EPHA5: variants seen among roughly 807,000 people sequenced by gnomAD.
The protein encoded by EPHA5 is EPH receptor A5, also known as ephrin type-A receptor 5.
EPHA5 carries 60 observed loss-of-function variants against 105.0 expected under a neutral mutation model. That is an observed-to-expected ratio of 0.57 (90% CI 0.46 to 0.71). EPHA5 has a LOEUF of 0.71. EPHA5 is among the 30% of genes least tolerant of loss of function. EPHA5 has a pLI of 0.00. For synonymous variants in EPHA5, 513 were observed against 449.1 expected (o/e 1.14, Z -1.80); for missense variants, 1,218 against 1,274.7 (o/e 0.96, Z 0.68).
intron 14 of EPHA5, among the ~76,000 whole-genome samples, chr4:65,340,214 C>A (rs1050608322): frequency 2.0e-5 from 3 of 152,026 alleles, no homozygotes; most frequent in African/African-American, 7.2e-5. Context: ...CCAGAAGCAA[C>A]AAGACACAGC....
At chr4:65,569,099 A>C (rs1057445811) in intron 3 of EPHA5, among the ~76,000 whole-genome samples, 1 of 151,508 alleles carries the variant, frequency 6.6e-6, no homozygotes, top group Non-Finnish European at 1.5e-5. Flanking sequence ...ATATATTTCA[A>C]GTATCTATTT....
intron 4 of EPHA5, among the ~76,000 whole-genome samples, chr4:65,493,506 G>A (rs973458332): frequency 6.6e-6 from 1 of 152,124 alleles, no homozygotes; most frequent in Admixed American, 6.6e-5. Context: ...ATCATATGCA[G>A]TATTTGTGGT....
intron 8 of EPHA5, among the ~76,000 whole-genome samples, chr4:65,396,540 T>A (rs759668238): frequency 3.9e-5 from 6 of 152,114 alleles, no homozygotes; most frequent in African/African-American, 7.2e-5. Context: ...AGAACAGCAG[T>A]ACCACTGGAG....
chr4:65,651,384 T>C (rs763918607), intron 1 of EPHA5, among the ~76,000 whole-genome samples: 6 of 152,222 alleles, frequency 3.9e-5, no homozygotes, highest in Non-Finnish European at 5.9e-5. Context: ...GAGGAAGACA[T>C]ACTAACTGAT....
rs541872296 is a variant in EPHA5 at position 65,435,636 on chromosome 4, T to C, written c.1403-15071A>G. Among the ~76,000 whole-genome samples the C allele has an allele frequency of 3.7e-3, 566 of 152,176 alleles. No homozygotes were observed. The Middle Eastern group carries it at 0.048, about 13-fold the overall frequency. On this transcript the variant is annotated intron_variant, in intron 5 of 16. Coordinates refer to ENST00000613740, the MANE Select transcript of EPHA5 (RefSeq NM_001281766.3). ...TTTCCGCTTGTTATCTGAAAAATCATTATGGCTGCTGGAAACCCCAGATCT... is the reference window on the plus strand; with the variant it reads ...TTTCCGCTTGTTATCTGAAAAATCACTATGGCTGCTGGAAACCCCAGATCT...
At chr4:65,585,120 T>TTGTGTGTGTGTGTG (rs76180882) in intron 3 of EPHA5, among the ~76,000 whole-genome samples, 3 of 148,920 alleles carry the variant, frequency 2.0e-5, no homozygotes, top group Admixed American at 1.3e-4. Flanking sequence ...GCATGTGTGT[T>TTGTGTGTGTGTGTG]TGTGTGTGTG....
At chr4:65,536,074 T>A (rs1417498551) in intron 3 of EPHA5, among the ~76,000 whole-genome samples, 1 of 152,026 alleles carries the variant, frequency 6.6e-6, no homozygotes, top group African/African-American at 2.4e-5. Context: ...ATTACCTTCA[T>A]GTTTTTAACA....
intron 3 of EPHA5, among the ~76,000 whole-genome samples, chr4:65,582,263 T>C (rs1741698493): frequency 6.6e-6 from 1 of 151,606 alleles, no homozygotes; most frequent in Non-Finnish European, 1.5e-5. Flanking sequence ...ACGCCACAAT[T>C]CTATTCTTAG....
chr4:65,508,471 T>C (rs990947903), intron 3 of EPHA5, among the ~76,000 whole-genome samples: 9 of 152,102 alleles, frequency 5.9e-5, no homozygotes, highest in Non-Finnish European at 1.0e-4. Context: ...CCTTGTACTA[T>C]TGGGCATTGT....
chr4:65,611,857 A>G (rs2149459457), intron 2 of EPHA5, among the ~76,000 whole-genome samples: 1 of 152,098 alleles, frequency 6.6e-6, no homozygotes, highest in South Asian at 2.1e-4. Flanking sequence ...ATAATACATA[A>G]TAAAGTGCAC....
intron 5 of EPHA5, among the ~76,000 whole-genome samples, chr4:65,464,147 T>G (rs773277532): frequency 9.0e-4 from 136 of 151,868 alleles, no homozygotes; most frequent in Non-Finnish European, 1.3e-3. Context: ...ACTCCAAGCA[T>G]GTACAAAATA....
chr4:65,654,218 A>G (rs1197639898), intron 1 of EPHA5, among the ~76,000 whole-genome samples: 3 of 151,020 alleles, frequency 2.0e-5, no homozygotes, highest in South Asian at 2.1e-4. Context: ...GCCACCAGAC[A>G]TCTACCCTCC....
intron 8 of EPHA5, among the ~76,000 whole-genome samples, chr4:65,395,001 T>A (rs931965604): frequency 6.6e-6 from 1 of 152,164 alleles, no homozygotes; most frequent in Non-Finnish European, 1.5e-5. Flanking sequence ...CGTTGATGTG[T>A]CTAAATTAAA....
chr4:65,360,974 T>A (rs544105776), intron 11 of EPHA5, among the ~76,000 whole-genome samples: 2 of 151,638 alleles, frequency 1.3e-5, no homozygotes, highest in Admixed American at 1.3e-4. Flanking sequence ...CATGACAGAG[T>A]ATACAGAAAT....
chr4:65,462,551 G>A (rs1049576707), intron 5 of EPHA5, among the ~76,000 whole-genome samples: 2 of 152,222 alleles, frequency 1.3e-5, no homozygotes, highest in African/African-American at 2.4e-5. Context: ...CCTCCTTCAG[G>A]AGTCTGGGGC....
intron 3 of EPHA5, among the ~76,000 whole-genome samples, chr4:65,507,574 G>A (rs528328997): frequency 3.2e-4 from 49 of 152,156 alleles, no homozygotes; most frequent in South Asian, 4.1e-4. Flanking sequence ...CCTTGAAGAG[G>A]TCCTTCACAT....
intron 11 of EPHA5, among the ~76,000 whole-genome samples, chr4:65,363,843 G>C (rs1717581364): frequency 1.3e-5 from 2 of 151,270 alleles, no homozygotes; most frequent in African/African-American, 4.8e-5. Flanking sequence ...TTCAAATTCT[G>C]ATTTTATTTT....
At chr4:65,383,569 T>C (rs1686201154) in intron 8 of EPHA5, among the ~76,000 whole-genome samples, 1 of 151,898 alleles carries the variant, frequency 6.6e-6, no homozygotes, top group African/African-American at 2.4e-5. Context: ...CATGGAACTA[T>C]GACTATTGTG....
At chr4:65,432,160 T>C (rs1725037991) in intron 5 of EPHA5, among the ~76,000 whole-genome samples, 4 of 152,156 alleles carry the variant, frequency 2.6e-5, no homozygotes, top group Admixed American at 2.6e-4. Flanking sequence ...TAACTGTACA[T>C]TTTATGAGCA....
Sources: gnomAD v4.1 joint callset for allele counts (sites outside exome capture counted in the v4.1 genomes callset) on GRCh38, gnomAD v4.1.1 for gene constraint, MANE v1.5 for transcripts, NCBI Gene and HGNC (gene_info 2026-07-23, HGNC 2026-07-21) for gene names.